Variants in STPG2 observed in about 807,000 individuals in gnomAD.
STPG2 encodes the protein sperm tail PG-rich repeat containing 2, also known as sperm-tail PG-rich repeat-containing protein 2.
Under a neutral mutation model 54.2 loss-of-function variants are expected in STPG2, and 56 were observed. The observed-to-expected ratio is 1.03, with a 90% CI of 0.83 to 1.29. The LOEUF (loss-of-function observed/expected upper bound fraction) is 1.29, where lower values mean the gene tolerates loss of function less well. STPG2 is among the 50% of genes most tolerant of loss of function. The pLI, the probability that STPG2 is intolerant of heterozygous loss-of-function variation, is 0.00. For synonymous variants in STPG2, 200 were observed against 181.8 expected (o/e 1.10, Z -0.81); for missense variants, 596 against 544.9 (o/e 1.09, Z -0.93).
chr4:97,747,308 T>A (rs1725448070), intron 9 of STPG2, among the ~76,000 whole-genome samples: 1 of 151,412 alleles, frequency 6.6e-6, no homozygotes, highest in Admixed American at 6.6e-5. Context: ...AACTCAAAAA[T>A]TAAGATTATT....
At chr4:97,833,604 C>G (rs1160119822) in intron 9 of STPG2, among the ~76,000 whole-genome samples, 1 of 151,982 alleles carries the variant, frequency 6.6e-6, no homozygotes, top group Admixed American at 6.6e-5. Flanking sequence ...TGCAATCTAT[C>G]CATCTGACAA....
intron 5 of STPG2, among the ~76,000 whole-genome samples, chr4:98,060,301 G>A (rs1375548400): frequency 6.6e-6 from 1 of 151,998 alleles, no homozygotes. Flanking sequence ...AAATCAGAAA[G>A]TCAATCCCAT....
chr4:97,495,349 C>T (rs1011589229), intron 4 of STPG2, among the ~76,000 whole-genome samples: 1 of 151,336 alleles, frequency 6.6e-6, no homozygotes, highest in African/African-American at 2.4e-5. Flanking sequence ...TCTAAAAACA[C>T]AAGACATCAG....
At position 97,472,396 on chromosome 4, in the gene STPG2, T is replaced by C. The variant is rs116633888; in HGVS notation, c.462+240303A>G. Among the ~76,000 whole-genome samples the C allele has an allele frequency of 5.9e-3, 900 of 152,288 alleles. 3 individuals carry two copies. The highest frequency in any genetic ancestry group is 0.02 in the South Asian group (97 of 4,820). On this transcript the variant is annotated intron_variant, in intron 4 of 4. Coordinates refer to the STPG2 transcript ENST00000522676. ...CTTGCCTTGGTTCTCACAGTGAATA[T>C]TGAAGAAACATCTAGTGCTTTCAGC...
At chr4:98,036,468 A>G (rs1648568) in intron 5 of STPG2, among the ~76,000 whole-genome samples, 69,176 of 151,830 alleles carry the variant, frequency 0.46, 16,099 homozygotes, top group Admixed American at 0.56. Flanking sequence ...ATGAAATACT[A>G]TGCAGCAATA....
chr4:98,044,878 G>A (rs1422346762), intron 5 of STPG2, among the ~76,000 whole-genome samples: 2 of 152,104 alleles, frequency 1.3e-5, no homozygotes, highest in African/African-American at 2.4e-5. Flanking sequence ...GCACTGGACC[G>A]AAGGCTGAGG....
intron 8 of STPG2, among the ~76,000 whole-genome samples, chr4:97,905,264 G>C (rs1325164099): frequency 6.6e-6 from 1 of 152,190 alleles, no homozygotes; most frequent in Non-Finnish European, 1.5e-5. Flanking sequence ...TGTCTCGGCA[G>C]AAACTCTACA....
chr4:97,548,131 C>A (rs1731884338), intron 4 of STPG2, among the ~76,000 whole-genome samples: 1 of 151,058 alleles, frequency 6.6e-6, no homozygotes. Context: ...GCCTGGGCAA[C>A]AAGAGTGAAA....
At chr4:97,621,796 A>T (rs1734017950) in intron 10 of STPG2, among the ~76,000 whole-genome samples, 1 of 152,168 alleles carries the variant, frequency 6.6e-6, no homozygotes, top group Non-Finnish European at 1.5e-5. Flanking sequence ...CATTATCCTT[A>T]TACCCAGGCC....
intron 5 of STPG2, among the ~76,000 whole-genome samples, chr4:98,021,389 C>T (rs11933215): frequency 0.37 from 49,971 of 136,754 alleles, 9,642 homozygotes; most frequent in Middle Eastern, 0.45. Flanking sequence ...AGAGACAGTT[C>T]GTTATAATTT....
chr4:97,925,482 T>C (rs938364113), intron 8 of STPG2, among the ~76,000 whole-genome samples: 2 of 152,234 alleles, frequency 1.3e-5, no homozygotes, highest in African/African-American at 4.8e-5. Context: ...AAATCATTTA[T>C]CTAAAATCCT....
intron 10 of STPG2, among the ~76,000 whole-genome samples, chr4:97,619,893 G>A (rs1158987877): frequency 6.7e-6 from 1 of 148,552 alleles, no homozygotes; most frequent in Non-Finnish European, 1.5e-5. Flanking sequence ...GCGCAATCTC[G>A]GCTCACTGCA....
At chr4:97,677,420 C>A (rs781296016) in intron 10 of STPG2, among the ~76,000 whole-genome samples, 1 of 151,990 alleles carries the variant, frequency 6.6e-6, no homozygotes. Flanking sequence ...GTTTATAAAG[C>A]CAGATTTAAT....
intron 9 of STPG2, among the ~76,000 whole-genome samples, chr4:97,830,682 T>G (rs759944615): frequency 4.6e-5 from 7 of 151,930 alleles, no homozygotes; most frequent in Non-Finnish European, 7.4e-5. Context: ...GGAGGAAGAT[T>G]TACCAAGCAA....
chr4:97,885,816 CAA>C (rs1730542528), intron 8 of STPG2, among the ~76,000 whole-genome samples: 1 of 151,950 alleles, frequency 6.6e-6, no homozygotes, highest in Non-Finnish European at 1.5e-5. Flanking sequence ...TATTGTGGTA[CAA>C]CTGTAAATCA....
At chr4:98,086,238 T>C (rs894553380) in intron 5 of STPG2, among the ~76,000 whole-genome samples, 1 of 152,018 alleles carries the variant, frequency 6.6e-6, no homozygotes, top group Non-Finnish European at 1.5e-5. Context: ...TATAAGATAA[T>C]CCTCATTTCA....
chr4:97,864,881 C>T (rs1263347700), intron 8 of STPG2, among the ~76,000 whole-genome samples: 3 of 152,244 alleles, frequency 2.0e-5, no homozygotes, highest in East Asian at 1.9e-4. Context: ...GGAAAACTGG[C>T]TAGCCATATG....
At chr4:97,455,696 C>T (rs1452815285) in intron 4 of STPG2, among the ~76,000 whole-genome samples, 4 of 152,150 alleles carry the variant, frequency 2.6e-5, no homozygotes, top group African/African-American at 9.7e-5. Context: ...GCAAGAAGCC[C>T]AGGATACAGA....
At chr4:97,881,788 T>C (rs937334967) in intron 8 of STPG2, among the ~76,000 whole-genome samples, 1 of 152,142 alleles carries the variant, frequency 6.6e-6, no homozygotes, top group African/African-American at 2.4e-5. Flanking sequence ...TAAAGATTAT[T>C]GAAACAATAT....
Sources: gnomAD v4.1 joint callset for allele counts (sites outside exome capture counted in the v4.1 genomes callset) on GRCh38, gnomAD v4.1.1 for gene constraint, MANE v1.5 for transcripts, NCBI Gene and HGNC (gene_info 2026-07-23, HGNC 2026-07-21) for gene names.